Variants in USP37 observed in about 807,000 individuals in gnomAD.
USP37 encodes the protein ubiquitin specific peptidase 37, also known as ubiquitin carboxyl-terminal hydrolase 37.
In USP37, 27 loss-of-function variants were observed where a neutral mutation model predicts 124.0. The ratio of observed to expected loss-of-function variants is 0.22; its 90% confidence interval spans 0.16 to 0.30. The LOEUF (loss-of-function observed/expected upper bound fraction) is 0.30, where lower values mean the gene tolerates loss of function less well. Ranked by LOEUF, USP37 falls within the 10% of genes least tolerant of loss-of-function variation. The pLI is 1.00. For missense variants in USP37, 889 were observed against 1,140.4 expected, an observed-to-expected ratio of 0.78 and a Z score of 3.17; for synonymous variants, 365 against 388.0, an observed-to-expected ratio of 0.94 and a Z score of 0.70.
At chr2:218,544,406 A>AATATAT (rs1198499526) in intron 8 of USP37, among the ~76,000 whole-genome samples, 67 of 82,964 alleles carry the variant, frequency 8.1e-4, no homozygotes, top group Non-Finnish European at 9.7e-4. Flanking sequence ...AAAAAAAAAA[A>AATATAT]ATATATATAT....
At chr2:218,505,128 C>T (rs590771) in intron 11 of USP37, among the ~76,000 whole-genome samples, 92,058 of 151,926 alleles carry the variant, frequency 0.61, 28,094 homozygotes, top group East Asian at 0.78. Context: ...AATCCTCCCA[C>T]CTCAGCCTCC....
chr2:218,502,077 T>C (rs1217144577), intron 11 of USP37, among the ~76,000 whole-genome samples: 1 of 151,944 alleles, frequency 6.6e-6, no homozygotes, highest in Non-Finnish European at 1.5e-5. Flanking sequence ...AAGGATACTC[T>C]ATATTCAAAA....
chr2:218,519,888 C>A (rs757121862), intron 10 of USP37, among the ~76,000 whole-genome samples: 1 of 151,980 alleles, frequency 6.6e-6, no homozygotes, highest in Non-Finnish European at 1.5e-5. Context: ...CAGGCGTGAG[C>A]CACCACACCA....
intron 20 of USP37, among the ~76,000 whole-genome samples, chr2:218,467,315 A>ATATCTATC (rs55656029): frequency 0.044 from 6,190 of 141,656 alleles, 148 homozygotes; most frequent in East Asian, 0.079. Context: ...CAGCTAATCT[A>ATATCTATC]TATCTATCTA....
At position 218,455,116 on chromosome 2, in the gene USP37, C is replaced by T. The variant is rs956947293; in HGVS notation, c.2853-99G>A. On this transcript the variant is annotated intron_variant, in intron 25 of 25. Transcript: ENST00000258399. ...TAAAATAAAATTGATATGGATAAGGCCTTCACAATTCCATTTCATGCCTGT... is the reference window on the plus strand; with the variant it reads ...TAAAATAAAATTGATATGGATAAGGTCTTCACAATTCCATTTCATGCCTGT... 6 of 1,371,398 alleles carry T rather than the reference C, an allele frequency of 4.4e-6. No individual in the cohort carries two copies. The African/African-American group carries it at 8.7e-5, about 20-fold the overall frequency. The allele number at this position is 1,371,398 out of a possible 1,614,324, so 85.0% of individuals were successfully genotyped here. A position where few individuals can be genotyped will look rare whatever the true frequency, so the allele number is the denominator to read the frequency against.
chr2:218,511,557 G>A (rs1222796694), intron 10 of USP37, among the ~76,000 whole-genome samples: 5 of 152,064 alleles, frequency 3.3e-5, no homozygotes, highest in Admixed American at 6.6e-5. Context: ...TGACCTGCCC[G>A]CCTCGGCCTC....
At chr2:218,491,924 G>T (rs1047808035) in intron 14 of USP37, among the ~76,000 whole-genome samples, 43 of 152,190 alleles carry the variant, frequency 2.8e-4, no homozygotes, top group African/African-American at 1.0e-3. Flanking sequence ...TGGGGGCCAG[G>T]TGTGGGGGCT....
At chr2:218,557,640 A>G (rs1007909112) in intron 4 of USP37, among the ~76,000 whole-genome samples, 2 of 42,578 alleles carry the variant, frequency 4.7e-5, no homozygotes, top group East Asian at 3.8e-3. Flanking sequence ...TAAAAATATA[A>G]TATCTTGGCT....
At chr2:218,466,506 CTAT>C (rs1485693171) in intron 20 of USP37, among the ~76,000 whole-genome samples, 2 of 151,996 alleles carry the variant, frequency 1.3e-5, no homozygotes, top group Non-Finnish European at 2.9e-5. Flanking sequence ...ACAGACACTA[CTAT>C]ATGTCCTCTG....
chr2:218,490,680 C>T (rs1691883526), intron 14 of USP37, among the ~76,000 whole-genome samples: 1 of 152,112 alleles, frequency 6.6e-6, no homozygotes, highest in African/African-American at 2.4e-5. Flanking sequence ...CTAAGGTGAC[C>T]CTCGACTTTG....
At chr2:218,476,518 T>G (rs540192178) in intron 19 of USP37, among the ~76,000 whole-genome samples, 12 of 152,308 alleles carry the variant, frequency 7.9e-5, no homozygotes, top group African/African-American at 2.6e-4. Context: ...GATGCTGTGG[T>G]GAGCCGTGAT....
At chr2:218,495,510 A>G (rs1414378982) in intron 14 of USP37, among the ~76,000 whole-genome samples, 2 of 152,208 alleles carry the variant, frequency 1.3e-5, no homozygotes, top group African/African-American at 4.8e-5. Context: ...TATTTCCCCT[A>G]TGACGTAGAA....
At chr2:218,511,561 C>T (rs1339289649) in intron 10 of USP37, among the ~76,000 whole-genome samples, 2 of 152,134 alleles carry the variant, frequency 1.3e-5, no homozygotes, top group Admixed American at 1.3e-4. Flanking sequence ...CTGCCCGCCT[C>T]GGCCTCCCAA....
intron 10 of USP37, among the ~76,000 whole-genome samples, chr2:218,524,204 A>G (rs568737830): frequency 6.6e-6 from 1 of 152,198 alleles, no homozygotes; most frequent in Non-Finnish European, 1.5e-5. Flanking sequence ...GTGAAAAACT[A>G]TAATTTTCTC....
At chr2:218,490,770 T>C (rs1465386097) in intron 14 of USP37, among the ~76,000 whole-genome samples, 1 of 152,206 alleles carries the variant, frequency 6.6e-6, no homozygotes, top group East Asian at 1.9e-4. Context: ...GATGTTATTT[T>C]ACCTGGCCCA....
Position 218,498,076 on chromosome 2 carries a change from C to T in USP37, c.1107G>A (p.Leu369=). 1 of 1,611,992 alleles carries T rather than the reference C, an allele frequency of 6.2e-7. No individual in the cohort carries two copies. Among genetic ancestry groups the T allele is most frequent in the Non-Finnish European group, 8.5e-7 (1 of 1,179,466 alleles). The change falls in exon 12 of 26, where the codon TTG becomes TTA. Residue 369 remains leucine, a synonymous_variant. Transcript: ENST00000258399. ...TCTTCCATGGGATACCTTGTTTAAG[C>T]AAGTCATTTGCAAATGACTGGAGTG... is the stretch of plus-strand genomic sequence containing the variant. The part of the protein sequence containing the change: ...LFSLQSFAND[L]LKQGIPWKKI...
intron 20 of USP37, among the ~76,000 whole-genome samples, chr2:218,467,374 A>G (rs1690406573): frequency 6.8e-6 from 1 of 147,952 alleles, no homozygotes; most frequent in East Asian, 2.0e-4. Context: ...TTTGAGATGG[A>G]GTTTCGCTCT....
intron 8 of USP37, among the ~76,000 whole-genome samples, chr2:218,543,241 C>T (rs1692084751): frequency 6.6e-6 from 1 of 152,098 alleles, no homozygotes; most frequent in Admixed American, 6.5e-5. Flanking sequence ...GTGGCTCATG[C>T]CTATAATCCC....
At chr2:218,457,558 T>G (rs1354706798) in intron 23 of USP37, among the ~76,000 whole-genome samples, 2 of 152,134 alleles carry the variant, frequency 1.3e-5, no homozygotes, top group East Asian at 3.8e-4. Context: ...TAACTATAAC[T>G]CTATTAAAAA....
Sources: allele counts gnomAD v4.1 joint callset (sites outside exome capture counted in the v4.1 genomes callset), GRCh38; gene constraint gnomAD v4.1.1; transcripts MANE v1.5; gene names NCBI Gene and HGNC (gene_info 2026-07-23, HGNC 2026-07-21).